The following SLCO4A1 variants were observed in gnomAD, a reference collection of about 807,000 sequenced individuals.
SLCO4A1 encodes the protein colon organic anion transporter.
SLCO4A1 carries 51 observed loss-of-function variants against 64.6 expected under a neutral mutation model. That is an observed-to-expected ratio of 0.79 (90% confidence interval 0.63 to 1.00). SLCO4A1 has a LOEUF of 1.00. Among genes scored for constraint, SLCO4A1 ranks in the 50% least tolerant of loss-of-function variants. The pLI, the probability that SLCO4A1 is intolerant of heterozygous loss-of-function variation, is 0.00. For missense variants in SLCO4A1, 919 were observed against 980.5 expected, an observed-to-expected ratio of 0.94 and a Z score of 0.84; for synonymous variants, 471 against 444.9, an observed-to-expected ratio of 1.06 and a Z score of -0.74.
Position 62,657,093 on chromosome 20 carries a change from C to T in SLCO4A1, c.639C>T (p.Gly213=), listed in dbSNP as rs760075175. ...TCAGGACGTGCCCTGCCAACCCCGG[C>T]GCGGTGTGTGCGGACAGCACCTCGG... ...AGVRTCPANP[G]AVCADSTSGL... is the part of the protein sequence containing the mutation. Residue 213 remains glycine, a synonymous_variant, in exon 2 of 12, where the codon GGC becomes GGT. Transcript: ENST00000217159. The T allele has an allele frequency of 1.5e-5, 24 of 1,600,272 alleles. No homozygotes were observed. Among genetic ancestry groups the T allele is most frequent in the Middle Eastern group, 1.7e-4 (1 of 6,040 alleles).
At chr20:62,667,312 G>A (rs965423416) in intron 7 of SLCO4A1, among the ~76,000 whole-genome samples, 3 of 152,272 alleles carry the variant, frequency 2.0e-5, no homozygotes, top group African/African-American at 2.4e-5. Flanking sequence ...GCCGAGGGGC[G>A]TGTACGTGCA....
chr20:62,666,501 G>C lies in SLCO4A1; in HGVS notation c.1398G>C (p.Leu466=). Reference sequence around the variant, plus strand: ...GCCTGTTCTGCACCGTTGTCAGCCTGCTGGGCATCCTCGTCTTCTCACTGC... The same window carrying C: ...GCCTGTTCTGCACCGTTGTCAGCCTCCTGGGCATCCTCGTCTTCTCACTGC... ...KFCLFCTVVS[L]LGILVFSLHC... Residue 466 remains leucine (L), a synonymous_variant, in exon 7 of 12, where the codon CTG becomes CTC. Transcript: ENST00000217159. The C allele has an allele frequency of 6.2e-7, 1 of 1,613,546 alleles. No individual in the cohort carries two copies.
At chr20:62,675,341 A>G (rs6062789), downstream of SLCO4A1, among the ~76,000 whole-genome samples, 50,991 of 151,654 alleles carry the variant, frequency 0.34, 8,698 homozygotes, top group Middle Eastern at 0.44. Context: ...GGGCCCCTCC[A>G]GTGGGCAGCC....
At chr20:62,668,399 G>A in intron 9 of SLCO4A1, 78 bp from the exon 10 acceptor site, 2 of 1,461,904 alleles carry the variant, frequency 1.4e-6, no homozygotes, top group Non-Finnish European at 1.9e-6. Flanking sequence ...GACTGGTCCA[G>A]GAGGCCACTG....
downstream of SLCO4A1, among the ~76,000 whole-genome samples, chr20:62,686,280 C>T (rs990626152): frequency 3.3e-5 from 5 of 152,330 alleles, no homozygotes; most frequent in South Asian, 4.1e-4. Flanking sequence ...CGGGTGGAAA[C>T]GAGCCTTCCT....
chr20:62,665,243 G>GACAGAGTC, intron 6 of SLCO4A1, 155 bp downstream of exon 6: 1 of 764,710 alleles, frequency 1.3e-6, no homozygotes, highest in Non-Finnish European at 2.0e-6. Context: ...GCGCCACGGG[G>GACAGAGTC]GCTGAGCGAC....
Position 62,656,936 on chromosome 20 carries a change from G to T in SLCO4A1, c.482G>T (p.Ser161Ile). 6.4e-7 allele frequency: 1 copy of T among 1,563,908 alleles called. No individual in the cohort carries two copies. ...GCCTGCCTCTGCCTCACCTTCGTCA[G>T]CTACTTCGGGGGCTCAGGGCACAAG... ...IAACLCLTFV[S>I]YFGGSGHKPR... Residue 161 changes from serine (S) to isoleucine (I), a missense_variant, in exon 2 of 12, where the codon AGC (serine) becomes ATC (isoleucine). By Grantham distance (142) the Ser-to-Ile change is moderately radical. Transcript: ENST00000217159.
chr20:62,663,837 G>A (rs1985542402), intron 5 of SLCO4A1, among the ~76,000 whole-genome samples: 1 of 152,206 alleles, frequency 6.6e-6, no homozygotes, highest in African/African-American at 2.4e-5. Context: ...TTTCCCTTCT[G>A]TCTGCCTCGA....
At chr20:62,643,600 C>A (rs1980797265) in intron 1 of SLCO4A1, among the ~76,000 whole-genome samples, 1 of 152,266 alleles carries the variant, frequency 6.6e-6, no homozygotes, top group South Asian at 2.1e-4. Context: ...AGCTTGTCAG[C>A]TGCTGCTCCT....
chr20:62,689,810 C>A (rs1407081487), downstream of SLCO4A1, among the ~76,000 whole-genome samples: 1 of 152,238 alleles, frequency 6.6e-6, no homozygotes, highest in African/African-American at 2.4e-5. Context: ...ATCATCCTCA[C>A]CCCACTCCAT....
downstream of SLCO4A1, among the ~76,000 whole-genome samples, chr20:62,687,876 GA>G (rs1393034128): frequency 6.6e-6 from 1 of 152,122 alleles, no homozygotes; most frequent in Non-Finnish European, 1.5e-5. Context: ...GAGCACATGG[GA>G]GTGCAGGAAA....
At chr20:62,673,003 G>A (rs1177903453), downstream of SLCO4A1, among the ~76,000 whole-genome samples, 7 of 144,344 alleles carry the variant, frequency 4.8e-5, 3 homozygotes, top group Non-Finnish European at 1.1e-4. Flanking sequence ...AACCCAATGC[G>A]TCGGTCAAGA....
intron 2 of SLCO4A1, 111 bp from the exon 3 acceptor site, chr20:62,658,566 G>C (rs965659559): frequency 6.3e-6 from 5 of 795,312 alleles, no homozygotes; most frequent in Admixed American, 2.2e-5. Flanking sequence ...GGAGTGGGCC[G>C]GAGATGCAGA....
At chr20:62,668,270 C>G (rs776575408) in intron 9 of SLCO4A1, 86 bp downstream of exon 9, 2 of 1,477,898 alleles carry the variant, frequency 1.4e-6, no homozygotes, top group Non-Finnish European at 9.4e-7. Flanking sequence ...GACAGGAGCA[C>G]TCCAGGAAAC....
At chr20:62,675,704 C>G (rs532274655), downstream of SLCO4A1, among the ~76,000 whole-genome samples, 7 of 152,214 alleles carry the variant, frequency 4.6e-5, no homozygotes, top group African/African-American at 1.7e-4. Context: ...CCACACAGGC[C>G]CCCCGCTTCT....
At chr20:62,666,708 G>T in intron 7 of SLCO4A1, 133 bp downstream of exon 7, 1 of 775,764 alleles carries the variant, frequency 1.3e-6, no homozygotes, top group Non-Finnish European at 2.1e-6. Flanking sequence ...AGCGGCAAGG[G>T]CAACACCCGC....
chr20:62,661,049 T>A lies in SLCO4A1; in HGVS notation c.1010-15T>A. The A allele has an allele frequency of 4.2e-6, 2 of 475,832 alleles. No homozygotes were observed. The highest frequency in any genetic ancestry group is 7.9e-6 in the Non-Finnish European group (2 of 252,392). The allele number at this position is 475,832 out of a possible 1,614,324, so 29.5% of individuals were successfully genotyped here. A position where few individuals can be genotyped will look rare whatever the true frequency, so the allele number is the denominator to read the frequency against. On this transcript the variant is annotated splice_polypyrimidine_tract_variant and intron_variant, in intron 4 of 11. Coordinates refer to ENST00000217159, the MANE Select transcript of SLCO4A1 (RefSeq NM_016354.4). The surrounding 1 kb of genome is among the most constrained non-coding windows in gnomAD (Gnocchi z 5.2). Reference sequence around the variant, plus strand: ...CCCCCAGCCCCCAGCCCCAGCTCACTCTGTGCCCTTCCAGGCTCCCAGCGC... The same window carrying A: ...CCCCCAGCCCCCAGCCCCAGCTCACACTGTGCCCTTCCAGGCTCCCAGCGC...
rs1364289277 is a variant in SLCO4A1 at position 62,667,741 on chromosome 20, G to A, written c.1473-4G>A. 2 of 1,605,118 alleles carry A rather than the reference G, an allele frequency of 1.2e-6. No homozygotes were observed. The highest frequency in any genetic ancestry group is 1.7e-6 in the Non-Finnish European group (2 of 1,175,556). ...CCTACCACTCGCTTGTCCCCCCTCTGCAGCCTCCTGCCCGAAGGCCACCTG... is the reference window on the plus strand; with the variant it reads ...CCTACCACTCGCTTGTCCCCCCTCTACAGCCTCCTGCCCGAAGGCCACCTG... On this transcript the variant is annotated splice_polypyrimidine_tract_variant and splice_region_variant and intron_variant, in intron 7 of 11. Coordinates refer to ENST00000217159, the MANE Select transcript of SLCO4A1 (RefSeq NM_016354.4).
chr20:62,675,425 CTT>C (rs1987544010), downstream of SLCO4A1, among the ~76,000 whole-genome samples: 1 of 152,166 alleles, frequency 6.6e-6, no homozygotes, highest in African/African-American at 2.4e-5. Context: ...CTCTGCAGCT[CTT>C]GAGCTCTGCT....
Sources: gnomAD v4.1 joint callset for allele counts (sites outside exome capture counted in the v4.1 genomes callset) on GRCh38, gnomAD v4.1.1 for gene constraint, Gnocchi (gnomAD v3.1) non-coding constraint, MANE v1.5 for transcripts, NCBI Gene and HGNC (gene_info 2026-07-23, HGNC 2026-07-21) for gene names.